Variants in HS6ST3 observed in about 807,000 individuals in gnomAD.
The protein encoded by HS6ST3 is heparan-sulfate 6-O-sulfotransferase 3.
Under a neutral mutation model 36.7 loss-of-function variants are expected in HS6ST3, and 12 were observed. That is an observed-to-expected ratio of 0.33 (90% CI 0.21 to 0.53). HS6ST3 has a LOEUF of 0.53. HS6ST3 is among the 20% of genes least tolerant of loss of function. The pLI is 0.95. For missense variants in HS6ST3, 584 were observed against 640.9 expected (o/e 0.91, Z 0.96); for synonymous variants, 240 against 257.5 (o/e 0.93, Z 0.65).
At chr13:96,732,005 A>G (rs899047622) in intron 1 of HS6ST3, among the ~76,000 whole-genome samples, 1 of 152,066 alleles carries the variant, frequency 6.6e-6, no homozygotes, top group Non-Finnish European at 1.5e-5. Context: ...TAATGGCCAT[A>G]TTATTTTACA....
At chr13:96,671,059 A>G (rs2056681056) in intron 1 of HS6ST3, among the ~76,000 whole-genome samples, 1 of 152,184 alleles carries the variant, frequency 6.6e-6, no homozygotes, top group South Asian at 2.1e-4. Flanking sequence ...AAAGTACACC[A>G]CTGGAGAGTA....
At chr13:96,299,268 G>A (rs1363609804) in intron 1 of HS6ST3, among the ~76,000 whole-genome samples, 1 of 152,212 alleles carries the variant, frequency 6.6e-6, no homozygotes, top group Non-Finnish European at 1.5e-5. Context: ...ACGGAGGTAG[G>A]ACTGCACCTG....
chr13:96,149,947 T>A (rs1055720774), intron 1 of HS6ST3, among the ~76,000 whole-genome samples: 1 of 152,204 alleles, frequency 6.6e-6, no homozygotes, highest in Non-Finnish European at 1.5e-5. Context: ...CTAGTGGTGG[T>A]GTTACGGCAT....
At chr13:96,205,269 T>G (rs2054364277) in intron 1 of HS6ST3, among the ~76,000 whole-genome samples, 1 of 152,186 alleles carries the variant, frequency 6.6e-6, no homozygotes, top group South Asian at 2.1e-4. Context: ...CTTCCAAGAC[T>G]GAACCAGGAA....
intron 1 of HS6ST3, among the ~76,000 whole-genome samples, chr13:96,640,074 G>T (rs1245739446): frequency 1.3e-5 from 2 of 151,778 alleles, no homozygotes; most frequent in Non-Finnish European, 1.5e-5. Flanking sequence ...TGGGTGGGGG[G>T]GTATATACTC....
intron 1 of HS6ST3, among the ~76,000 whole-genome samples, chr13:96,435,861 T>C (rs2055639173): frequency 6.6e-6 from 1 of 152,232 alleles, no homozygotes; most frequent in Non-Finnish European, 1.5e-5. Flanking sequence ...TCATTTCCCA[T>C]TGACTTTCAA....
chr13:96,423,487 G>A (rs185481283), intron 1 of HS6ST3, among the ~76,000 whole-genome samples: 2 of 151,886 alleles, frequency 1.3e-5, no homozygotes, highest in African/African-American at 4.8e-5. Context: ...CCGGTGGAGT[G>A]AGGGTGACTG....
intron 1 of HS6ST3, among the ~76,000 whole-genome samples, chr13:96,634,595 AT>A (rs1317848003): frequency 2.0e-5 from 3 of 152,150 alleles, no homozygotes; most frequent in Admixed American, 1.3e-4. Flanking sequence ...TACCAAAAAG[AT>A]TAGCTATTAC....
chr13:96,431,274 A>G (rs1455517417), intron 1 of HS6ST3, among the ~76,000 whole-genome samples: 1 of 151,198 alleles, frequency 6.6e-6, no homozygotes, highest in East Asian at 1.9e-4. Flanking sequence ...CAAAACCAAA[A>G]CCAAACAGAA....
rs761520325 is a variant in HS6ST3, at chr13:96,818,644, G to T, written c.708-13846G>T. Among the ~76,000 whole-genome samples the T allele has an allele frequency of 3.3e-5, 5 of 152,280 alleles. No individual in the cohort carries two copies. In the East Asian group the frequency reaches 9.6e-4, roughly 29 times the overall value. On this transcript the variant is annotated intron_variant, in intron 1 of 1. Coordinates refer to ENST00000376705, the MANE Select transcript of HS6ST3 (RefSeq NM_153456.4). ...CCTATTTTGTCTTCAATGCACAGGCGCAATTAGCAAAAATCTTAGTTACAA... is the reference window on the plus strand; with the variant it reads ...CCTATTTTGTCTTCAATGCACAGGCTCAATTAGCAAAAATCTTAGTTACAA...
chr13:96,757,980 T>C (rs940729927), intron 1 of HS6ST3, among the ~76,000 whole-genome samples: 130 of 152,164 alleles, frequency 8.5e-4, no homozygotes, highest in African/African-American at 3.0e-3. Flanking sequence ...TATGTAGAGG[T>C]GTACATATTT....
chr13:96,431,121 T>C (rs941054620), intron 1 of HS6ST3, among the ~76,000 whole-genome samples: 54 of 152,180 alleles, frequency 3.5e-4, no homozygotes, highest in African/African-American at 1.3e-3. Flanking sequence ...GGAGGATTAC[T>C]TGAGCCTAGG....
At chr13:96,246,714 A>C (rs759377861) in intron 1 of HS6ST3, among the ~76,000 whole-genome samples, 1 of 152,170 alleles carries the variant, frequency 6.6e-6, no homozygotes, top group Non-Finnish European at 1.5e-5. Context: ...AGGATTTTTC[A>C]AGATGTTTAA....
chr13:96,201,675 T>C (rs1485732866), intron 1 of HS6ST3, among the ~76,000 whole-genome samples: 3 of 152,184 alleles, frequency 2.0e-5, no homozygotes, highest in South Asian at 2.1e-4. Flanking sequence ...CTGTATCCCC[T>C]GCTTTTAGAA....
At chr13:96,567,772 T>C (rs74812019) in intron 1 of HS6ST3, among the ~76,000 whole-genome samples, 323 of 152,306 alleles carry the variant, frequency 2.1e-3, no homozygotes, top group African/African-American at 7.6e-3. Flanking sequence ...AAAGTCAATA[T>C]GAAATAGAAA....
intron 1 of HS6ST3, among the ~76,000 whole-genome samples, chr13:96,819,447 A>T (rs1397927912): frequency 6.6e-6 from 1 of 152,134 alleles, no homozygotes; most frequent in African/African-American, 2.4e-5. Context: ...TTTTCAGTTG[A>T]TTTCAAAGAA....
intron 1 of HS6ST3, among the ~76,000 whole-genome samples, chr13:96,693,172 T>C (rs1875016399): frequency 6.6e-6 from 1 of 152,180 alleles, no homozygotes; most frequent in African/African-American, 2.4e-5. Flanking sequence ...AAGTTGATTG[T>C]CCTGTTTCAC....
At chr13:96,620,509 A>C (rs192241099) in intron 1 of HS6ST3, among the ~76,000 whole-genome samples, 54 of 152,326 alleles carry the variant, frequency 3.5e-4, no homozygotes, top group Admixed American at 3.0e-3. Context: ...TCTGACTTTC[A>C]TTTCATAGTT....
chr13:96,111,330 G>A (rs919965316), intron 1 of HS6ST3, among the ~76,000 whole-genome samples: 9 of 152,172 alleles, frequency 5.9e-5, no homozygotes, highest in Admixed American at 2.6e-4. Context: ...TACTTCCAAA[G>A]ACAATTTGAG....
Sources: gnomAD v4.1 joint callset for allele counts (sites outside exome capture counted in the v4.1 genomes callset) on GRCh38, gnomAD v4.1.1 for gene constraint, MANE v1.5 for transcripts, NCBI Gene and HGNC (gene_info 2026-07-23, HGNC 2026-07-21) for gene names.